The following TXNDC11 variants were observed in gnomAD, a reference collection of about 807,000 sequenced individuals.
TXNDC11 encodes thioredoxin domain-containing protein 11.
Under a neutral mutation model 78.0 loss-of-function variants are expected in TXNDC11, and 68 were observed. That is an observed-to-expected ratio of 0.87 (90% CI 0.72 to 1.07). The LOEUF (loss-of-function observed/expected upper bound fraction) is 1.07. Ranked by LOEUF, TXNDC11 falls within the 50% of genes least tolerant of loss-of-function variation. TXNDC11 has a pLI of 0.00. For missense variants in TXNDC11, 1,389 were observed against 1,221.8 expected (o/e 1.14, Z -2.04); for synonymous variants, 571 against 495.2 (o/e 1.15, Z -2.03).
intron 1 of TXNDC11, among the ~76,000 whole-genome samples, chr16:11,737,061 G>A (rs1361360083): frequency 6.6e-6 from 1 of 152,062 alleles, no homozygotes; most frequent in Non-Finnish European, 1.5e-5. Flanking sequence ...GCTTTGCTAA[G>A]AAACAAATGA....
At position 11,721,677 on chromosome 16, in the gene TXNDC11, G is replaced by GA. The variant is rs1195879402; in HGVS notation, c.700-8dup. On this transcript the variant is annotated splice_region_variant and splice_polypyrimidine_tract_variant and intron_variant, in intron 4 of 11. Transcript: ENST00000283033. ...AGTACCCGAGTACTCCAGGCTGCAGGAAAAAGAGCAGAATTAGGTAACTGA... is the reference window on the plus strand; with the variant it reads ...AGTACCCGAGTACTCCAGGCTGCAGGAAAAAAGAGCAGAATTAGGTAACTGA... 2 of 1,593,716 alleles carry GA rather than the reference G, an allele frequency of 1.3e-6. No homozygotes were observed. The highest frequency in any genetic ancestry group is 1.7e-6 in the Non-Finnish European group (2 of 1,163,736).
In TXNDC11 at chr16:11,679,692, C is replaced by A. The variant is rs781282413; in HGVS notation, c.2380G>T (p.Val794Phe). Residue 794 changes from valine (V) to phenylalanine (F), a missense_variant, in exon 12 of 12, where the codon GTC becomes TTC. Val to Phe is a conservative substitution (Grantham distance 50). Transcript: ENST00000283033. The surrounding 1 kb of genome is among the most constrained non-coding windows in gnomAD (Gnocchi z 4.6). ...PTKECLQSEA[V>F]LQRGHISHLE... ...TGGGAGATGTGCCCCCGCTGTAAGACTGCCTCGCTCTGAAGACACTCCTTG... is the reference window on the plus strand; with the variant it reads ...TGGGAGATGTGCCCCCGCTGTAAGAATGCCTCGCTCTGAAGACACTCCTTG... The A allele has an allele frequency of 6.2e-7, 1 of 1,614,248 alleles. No homozygotes were observed. The highest frequency in any genetic ancestry group is 8.5e-7 in the Non-Finnish European group (1 of 1,180,048).
chr16:11,700,063 T>C (rs916481283), intron 6 of TXNDC11, among the ~76,000 whole-genome samples: 1 of 152,178 alleles, frequency 6.6e-6, no homozygotes, highest in African/African-American at 2.4e-5. Context: ...GCATGTCACA[T>C]TACTACTCAT....
In TXNDC11 at chr16:11,730,063, G is replaced by A. The variant is rs117268184; in HGVS notation, c.699+582C>T. ...GAGCTGAGATTGCACTCCAGCCTGGGTGTCAGAGCAAGACTCTGTCTCAAA... is the reference window on the plus strand; with the variant it reads ...GAGCTGAGATTGCACTCCAGCCTGGATGTCAGAGCAAGACTCTGTCTCAAA... On this transcript the variant is annotated intron_variant, in intron 4 of 11. Transcript: ENST00000283033. 2.1e-3 allele frequency among the ~76,000 whole-genome samples: 319 copies of A among 152,266 alleles called. 5 individuals are homozygous for A. The East Asian group carries it at 0.033, about 16-fold the overall frequency.
rs566247918 is a variant in TXNDC11, at chr16:11,726,383, C to A, written c.699+4262G>T. 1.6e-3 allele frequency among the ~76,000 whole-genome samples: 245 copies of A among 152,042 alleles called. 1 individual carries two copies. Among genetic ancestry groups the A allele is most frequent in the African/African-American group, 5.5e-3 (230 of 41,498 alleles). ...AGATCACGAGGTCAAGAGATAGAGA[C>A]CATCCTAGCTAACAAGGTGAAACTC... On this transcript the variant is annotated intron_variant, in intron 4 of 11. Transcript: ENST00000283033.
chr16:11,685,842 A>C, intron 10 of TXNDC11, among the ~76,000 whole-genome samples: 1 of 152,194 alleles, frequency 6.6e-6, no homozygotes, highest in South Asian at 2.1e-4. Flanking sequence ...TTCTCACTTG[A>C]TTCTTACTTC....
Position 11,742,758 on chromosome 16 carries a change from C to A in TXNDC11, c.-28G>T. The stretch of plus-strand genomic sequence containing the variant: ...CATGCTCCCAGTCGCCGGCTTTATA[C>A]CGCCGCCGCCGCCTCGGGCCCGAAG... On this transcript the variant is annotated 5_prime_UTR_variant, in exon 1 of 12. Transcript: ENST00000283033. 7.0e-7 allele frequency: 1 copy of A among 1,426,284 alleles called. No individual in the cohort carries two copies. Among genetic ancestry groups the A allele is most frequent in the Non-Finnish European group, 9.1e-7 (1 of 1,097,646 alleles). 88.4% of individuals were successfully genotyped at this position (1,426,284 alleles called of 1,614,324 possible).
At chr16:11,722,878 G>C (rs371679467) in intron 4 of TXNDC11, among the ~76,000 whole-genome samples, 1 of 152,182 alleles carries the variant, frequency 6.6e-6, no homozygotes, top group Non-Finnish European at 1.5e-5. Flanking sequence ...ATCTGTAGTA[G>C]AATATACTAT....
intron 5 of TXNDC11, among the ~76,000 whole-genome samples, chr16:11,717,453 AAAAG>A (rs1337175711): frequency 6.6e-6 from 1 of 151,166 alleles, no homozygotes; most frequent in Non-Finnish European, 1.5e-5. Flanking sequence ...AAAAAAAAAA[AAAAG>A]AACCAGAGAT....
Position 11,733,353 on chromosome 16 carries a change from G to A in TXNDC11, c.569+629C>T, listed in dbSNP as rs1279978921. 2.0e-5 allele frequency among the ~76,000 whole-genome samples: 3 copies of A among 151,790 alleles called. No individual in the cohort carries two copies. In the East Asian group the frequency reaches 5.8e-4, roughly 29 times the overall value. On this transcript the variant is annotated intron_variant, in intron 3 of 11. Coordinates refer to ENST00000283033, the MANE Select transcript of TXNDC11 (RefSeq NM_015914.7). The stretch of plus-strand genomic sequence containing the variant: ...TTGTGGACATGGGCGGTAAAACCCT[G>A]TCTCTACTAAAAATACAAAAAAAAT...
At chr16:11,687,573 C>T (rs1293174706) in intron 10 of TXNDC11, among the ~76,000 whole-genome samples, 1 of 152,202 alleles carries the variant, frequency 6.6e-6, no homozygotes, top group Non-Finnish European at 1.5e-5. Flanking sequence ...ACGGGGCCAT[C>T]CTGGCAACCA....
intron 9 of TXNDC11, 76 bp from the exon 10 acceptor site, chr16:11,688,042 A>G: frequency 8.2e-7 from 1 of 1,214,650 alleles, no homozygotes. Context: ...ATTGCTTAGA[A>G]TCCAGCAAGC....
chr16:11,684,282 G>A (rs758509465), intron 10 of TXNDC11, 37 bp from the exon 11 acceptor site: 2 of 1,518,872 alleles, frequency 1.3e-6, no homozygotes, highest in South Asian at 1.2e-5. Flanking sequence ...CAGATGATCA[G>A]CCCAAGAAAC....
At chr16:11,699,538 T>G (rs1393649916) in intron 6 of TXNDC11, among the ~76,000 whole-genome samples, 1 of 152,222 alleles carries the variant, frequency 6.6e-6, no homozygotes, top group Non-Finnish European at 1.5e-5. Flanking sequence ...ACATTTCCAT[T>G]CGGAAAACAC....
intron 5 of TXNDC11, among the ~76,000 whole-genome samples, chr16:11,704,469 T>C (rs1167129329): frequency 2.6e-5 from 4 of 152,156 alleles, no homozygotes; most frequent in Non-Finnish European, 5.9e-5. Context: ...ATTTATTAAT[T>C]ACAAAGGAAG....
chr16:11,679,942 G>A lies in TXNDC11; in HGVS notation c.2235-105C>T. The A allele has an allele frequency of 4.0e-6, 4 of 1,006,530 alleles. No individual in the cohort carries two copies. Among genetic ancestry groups the A allele is most frequent in the Non-Finnish European group, 2.9e-6 (2 of 682,582 alleles). 62.3% of individuals were successfully genotyped at this position (1,006,530 alleles called of 1,614,324 possible). Reference sequence around the variant, plus strand: ...GGCCATCTACTTCTCACCAAGAAAAGACGTTCCGTGGATTTTACTTACTGA... The same window carrying A: ...GGCCATCTACTTCTCACCAAGAAAAAACGTTCCGTGGATTTTACTTACTGA... On this transcript the variant is annotated intron_variant, in intron 11 of 11. Transcript: ENST00000283033. The surrounding 1 kb of genome is among the most constrained non-coding windows in gnomAD (Gnocchi z 4.6).
intron 4 of TXNDC11, among the ~76,000 whole-genome samples, chr16:11,728,566 G>A (rs1231405684): frequency 1.3e-5 from 2 of 152,190 alleles, no homozygotes; most frequent in Non-Finnish European, 2.9e-5. Flanking sequence ...TTAATGTAAT[G>A]TTTTAAATGT....
chr16:11,679,907 C>T lies in TXNDC11; in HGVS notation c.2235-70G>A, dbSNP rs2050378390. 1.5e-6 allele frequency: 2 copies of T among 1,371,148 alleles called. No individual in the cohort carries two copies. Among genetic ancestry groups the T allele is most frequent in the East Asian group, 4.6e-5 (2 of 43,290 alleles). The allele number at this position is 1,371,148 out of a possible 1,614,324, so 84.9% of individuals were successfully genotyped here. On this transcript the variant is annotated intron_variant, in intron 11 of 11. Coordinates refer to ENST00000283033, the MANE Select transcript of TXNDC11 (RefSeq NM_015914.7). The surrounding 1 kb of genome is among the most constrained non-coding windows in gnomAD (Gnocchi z 4.6). ...ACAATGAGTCCAAAAGCAGGCTGTA[C>T]CTGAGGCCAGGCCATCTACTTCTCA...
chr16:11,740,353 AAAG>A (rs1309407667), intron 1 of TXNDC11, among the ~76,000 whole-genome samples: 1 of 152,190 alleles, frequency 6.6e-6, no homozygotes, highest in Non-Finnish European at 1.5e-5. Flanking sequence ...AGTGACACAG[AAAG>A]AAGATGAAGC....
Sources: allele counts gnomAD v4.1 joint callset (sites outside exome capture counted in the v4.1 genomes callset), GRCh38; gene constraint gnomAD v4.1.1; non-coding constraint Gnocchi (gnomAD v3.1); transcripts MANE v1.5; gene names NCBI Gene and HGNC (gene_info 2026-07-23, HGNC 2026-07-21).